The following SLC38A10 variants were observed in gnomAD, a reference collection of about 807,000 sequenced individuals.
The protein encoded by SLC38A10 is solute carrier family 38 member 10, also known as Sodium-coupled neutral amino acid transporter 10.
Under a neutral mutation model 81.0 loss-of-function variants are expected in SLC38A10, and 53 were observed. That is an observed-to-expected ratio of 0.65 (90% confidence interval 0.53 to 0.82). The LOEUF (loss-of-function observed/expected upper bound fraction) is 0.82, where lower values mean the gene tolerates loss of function less well. Ranked by LOEUF, SLC38A10 falls within the 40% of genes least tolerant of loss-of-function variation. The probability of loss-of-function intolerance (pLI) is 0.00; values close to 1 mark genes in which losing one functional copy is unlikely to be tolerated. For synonymous variants in SLC38A10, 665 were observed against 655.3 expected, an observed-to-expected ratio of 1.01 and a Z score of -0.23; for missense variants, 1,471 against 1,545.0, an observed-to-expected ratio of 0.95 and a Z score of 0.80.
chr17:81,257,031 G>A (rs1260513552), intron 11 of SLC38A10, among the ~76,000 whole-genome samples: 2 of 152,226 alleles, frequency 1.3e-5, no homozygotes, highest in African/African-American at 2.4e-5. Flanking sequence ...CGAATGGTCC[G>A]TGAGAAACAG....
chr17:81,261,156 G>C (rs148613091), intron 10 of SLC38A10, among the ~76,000 whole-genome samples: 8 of 152,336 alleles, frequency 5.3e-5, no homozygotes, highest in Admixed American at 1.3e-4. Context: ...CCGGCCAATC[G>C]TAAGCATCAC....
At chr17:81,284,692 T>C (rs2063247206) in intron 3 of SLC38A10, among the ~76,000 whole-genome samples, 158 bp downstream of exon 3, 1 of 152,116 alleles carries the variant, frequency 6.6e-6, no homozygotes, top group Non-Finnish European at 1.5e-5. Context: ...CTTACAACAC[T>C]GAAGGGTACA....
intron 10 of SLC38A10, among the ~76,000 whole-genome samples, chr17:81,267,033 G>A (rs2063076269): frequency 6.6e-6 from 1 of 152,188 alleles, no homozygotes; most frequent in Non-Finnish European, 1.5e-5. Context: ...AACTCCGTGA[G>A]TGTTACCAGG....
intron 1 of SLC38A10, among the ~76,000 whole-genome samples, chr17:81,292,630 T>C (rs1472370653): frequency 6.6e-6 from 1 of 152,160 alleles, no homozygotes; most frequent in African/African-American, 2.4e-5. Flanking sequence ...TGGGCAGCCC[T>C]CAGGACTCAG....
chr17:81,246,789 G>C, intron 15 of SLC38A10, 96 bp downstream of exon 15: 1 of 1,512,148 alleles, frequency 6.6e-7, no homozygotes, highest in East Asian at 2.3e-5. Flanking sequence ...CTCACGCTCA[G>C]GTCTAGAGGC....
intron 11 of SLC38A10, among the ~76,000 whole-genome samples, chr17:81,257,428 C>G (rs954752466): frequency 2.0e-5 from 3 of 152,142 alleles, no homozygotes; most frequent in Non-Finnish European, 4.4e-5. Context: ...TTTGCTGTGT[C>G]CCCCGCGCCT....
chr17:81,255,101 C>T lies in SLC38A10; in HGVS notation c.1289-1861G>A, dbSNP rs543119463. Among the ~76,000 whole-genome samples, 23 of 152,364 alleles carry T rather than the reference C, an allele frequency of 1.5e-4. 1 individual carries two copies. The South Asian group carries it at 4.6e-3, about 30-fold the overall frequency. ...GGGACGGGAAGTGAGCACGGTGAGC[C>T]GGGAGCTGCCCCAGAGGTCCCTTTG... On this transcript the variant is annotated intron_variant, in intron 11 of 15. Coordinates refer to ENST00000374759, the MANE Select transcript of SLC38A10 (RefSeq NM_001037984.3).
In SLC38A10 at chr17:81,250,128, G is replaced by A. The variant is rs1008283845; in HGVS notation, c.2065+1365C>T. 2.3e-6 allele frequency: 3 copies of A among 1,282,528 alleles called. No individual in the cohort carries two copies. In the Admixed American group the frequency reaches 7.2e-5, roughly 31 times the overall value. The allele number at this position is 1,282,528 out of a possible 1,614,324, so 79.4% of individuals were successfully genotyped here. A position where few individuals can be genotyped will look rare whatever the true frequency, so the allele number is the denominator to read the frequency against. On this transcript the variant is annotated intron_variant, in intron 14 of 15. Coordinates refer to ENST00000374759, the MANE Select transcript of SLC38A10 (RefSeq NM_001037984.3). Reference sequence around the variant, plus strand: ...CCGTTGAGAGGCATACGGAAGAAAGGCAGAATAGGAAACCGTGAAAAGTCT... The same window carrying A: ...CCGTTGAGAGGCATACGGAAGAAAGACAGAATAGGAAACCGTGAAAAGTCT...
chr17:81,250,228 T>C (rs2062897620), intron 14 of SLC38A10: 1 of 891,752 alleles, frequency 1.1e-6, no homozygotes, highest in Non-Finnish European at 1.5e-6. Flanking sequence ...CCAACAAACA[T>C]GGCCAGACTA....
intron 10 of SLC38A10, among the ~76,000 whole-genome samples, chr17:81,266,784 G>A (rs976013858): frequency 2.0e-5 from 3 of 152,246 alleles, no homozygotes; most frequent in African/African-American, 7.2e-5. Flanking sequence ...GAGCAGGAGA[G>A]TTCGCAAGGA....
Position 81,276,884 on chromosome 17 carries a change from C to T in SLC38A10, c.729+147G>A, listed in dbSNP as rs957081814. ...CTGATGGAGCTGCCCCAGGTCCCCG[C>T]GCAGCCTCCAGACACTGGGATGGGA... is the stretch of plus-strand genomic sequence containing the variant. On this transcript the variant is annotated intron_variant, in intron 7 of 15. Coordinates refer to ENST00000374759, the MANE Select transcript of SLC38A10 (RefSeq NM_001037984.3). This position sits in a 1 kb window ranked among gnomAD's most constrained non-coding sequence, Gnocchi z 4.7. 12 of 735,212 alleles carry T rather than the reference C, an allele frequency of 1.6e-5. No homozygotes were observed. Among genetic ancestry groups the T allele is most frequent in the East Asian group, 1.1e-4 (4 of 35,148 alleles). The allele number at this position is 735,212 out of a possible 1,614,324, so 45.5% of individuals were successfully genotyped here. A position where few individuals can be genotyped will look rare whatever the true frequency, so the allele number is the denominator to read the frequency against.
At position 81,276,654 on chromosome 17, in the gene SLC38A10, T is replaced by C. The variant is rs1193648231; in HGVS notation, c.729+377A>G. Among the ~76,000 whole-genome samples the C allele has an allele frequency of 6.6e-6, 1 of 152,162 alleles. No individual in the cohort carries two copies. The highest frequency in any genetic ancestry group is 1.5e-5 in the Non-Finnish European group (1 of 68,034). On this transcript the variant is annotated intron_variant, in intron 7 of 15. Transcript: ENST00000374759. This position sits in a 1 kb window ranked among gnomAD's most constrained non-coding sequence, Gnocchi z 4.7. ...ATCTGCCCACCTCGGTCTCCCAAAG[T>C]GCTGGGATTACAGGTGTGAGCAACG... is the stretch of plus-strand genomic sequence containing the variant.
At chr17:81,269,045 C>A (rs1487662195) in intron 10 of SLC38A10, among the ~76,000 whole-genome samples, 1 of 152,106 alleles carries the variant, frequency 6.6e-6, no homozygotes. Flanking sequence ...GTATTTAACA[C>A]GATAAAAGAC....
Position 81,270,823 on chromosome 17 carries a change from T to C in SLC38A10, c.1131+95A>G. The C allele has an allele frequency of 9.6e-7, 1 of 1,042,336 alleles. No homozygotes were observed. Among genetic ancestry groups the C allele is most frequent in the Admixed American group, 2.1e-5 (1 of 47,408 alleles). 64.6% of individuals were successfully genotyped at this position (1,042,336 alleles called of 1,614,324 possible). On this transcript the variant is annotated intron_variant, in intron 10 of 15. Transcript: ENST00000374759. This position sits in a 1 kb window ranked among gnomAD's most constrained non-coding sequence, Gnocchi z 4.0. The stretch of plus-strand genomic sequence containing the variant: ...TTTAAGTTTCTTGATAGAACCCATC[T>C]GAAAACGCTGAACCAGGGGCTTCCT...
Position 81,251,605 on chromosome 17 carries a change from C to T in SLC38A10, c.1953G>A (p.Lys651=), listed in dbSNP as rs756952470. The T allele has an allele frequency of 6.0e-6, 9 of 1,490,886 alleles. No homozygotes were observed. The highest frequency in any genetic ancestry group is 8.0e-6 in the Non-Finnish European group (9 of 1,128,038). The allele number at this position is 1,490,886 out of a possible 1,614,324, so 92.4% of individuals were successfully genotyped here. A position where few individuals can be genotyped will look rare whatever the true frequency, so the allele number is the denominator to read the frequency against. The change falls in exon 14 of 16, where the codon AAG becomes AAA. Residue 651 remains lysine (K), a synonymous_variant. Transcript: ENST00000374759. ...QPAEDSDHGG[K]PPLPAEKPAP... ...CCGGCTTCTCCGCTGGGAGGGGAGG[C>T]TTCCCACCTGCACACACGGTGAAGA...
chr17:81,271,056 T>C (rs747280345), intron 9 of SLC38A10, 32 bp from the exon 10 acceptor site: 4 of 1,572,384 alleles, frequency 2.5e-6, no homozygotes, highest in Non-Finnish European at 3.5e-6. Flanking sequence ...AAGGGATGAG[T>C]GGGGAAGGGC....
intron 6 of SLC38A10, chr17:81,280,056 G>A (rs967500661): frequency 2.2e-5 from 9 of 413,776 alleles, no homozygotes; most frequent in Non-Finnish European, 3.5e-5. Flanking sequence ...CTTTTCAGCC[G>A]GTTACCATGT....
chr17:81,248,793 G>T (rs943609351), intron 14 of SLC38A10, among the ~76,000 whole-genome samples: 2 of 152,210 alleles, frequency 1.3e-5, no homozygotes, highest in African/African-American at 4.8e-5. Flanking sequence ...GCCTCGCCCA[G>T]ACCCCTGGAT....
intron 11 of SLC38A10, among the ~76,000 whole-genome samples, chr17:81,260,033 T>A (rs1388706608): frequency 1.3e-5 from 2 of 152,150 alleles, no homozygotes; most frequent in Non-Finnish European, 2.9e-5. Flanking sequence ...TCCTGTCCCA[T>A]GTTCCCTGCA....
Sources: allele counts gnomAD v4.1 joint callset (sites outside exome capture counted in the v4.1 genomes callset), GRCh38; gene constraint gnomAD v4.1.1; non-coding constraint Gnocchi (gnomAD v3.1); transcripts MANE v1.5; gene names NCBI Gene and HGNC (gene_info 2026-07-23, HGNC 2026-07-21).